Variants in CUX1 observed in about 807,000 individuals in gnomAD.
CUX1 encodes the protein cut like homeobox 1.
Under a neutral mutation model 158.8 loss-of-function variants are expected in CUX1, and 31 were observed. The observed-to-expected ratio is 0.20, with a 90% confidence interval of 0.15 to 0.26. The LOEUF is 0.26. Ranked by LOEUF, CUX1 falls within the 10% of genes least tolerant of loss-of-function variation. The pLI, the probability that CUX1 is intolerant of heterozygous loss-of-function variation, is 1.00. For missense variants in CUX1, 1,589 were observed against 2,014.6 expected, an observed-to-expected ratio of 0.79 and a Z score of 4.04; for synonymous variants, 879 against 862.1, an observed-to-expected ratio of 1.02 and a Z score of -0.34.
chr7:101,970,895 A>G (rs116259707), intron 2 of CUX1, among the ~76,000 whole-genome samples: 3,410 of 152,252 alleles, frequency 0.022, 120 homozygotes, highest in African/African-American at 0.073. Context: ...CCTGGGATCA[A>G]CTGACCTCCT....
intron 3 of CUX1, among the ~76,000 whole-genome samples, chr7:102,058,233 T>A (rs1488531111): frequency 6.6e-6 from 1 of 152,232 alleles, no homozygotes; most frequent in Admixed American, 6.5e-5. Flanking sequence ...TCAAAAAATT[T>A]ATGTGACTTG....
chr7:102,201,762 A>G lies in CUX1; in HGVS notation c.2465A>G (p.Asp822Gly). The change falls in exon 18 of 24, where the codon GAC (aspartate) becomes GGC (glycine). Residue 822 changes from aspartate to glycine, a missense_variant. Asp to Gly is a moderately conservative substitution (Grantham distance 94). This residue lies in a region of CUX1 where 337 missense variants were observed against 409.3 expected (regional missense o/e 0.82). Coordinates refer to ENST00000292535, the MANE Select transcript of CUX1 (RefSeq NM_181552.4). This position sits in a 1 kb window ranked among gnomAD's most constrained non-coding sequence, Gnocchi z 5.0. The stretch of plus-strand genomic sequence containing the variant: ...GTGGGCCGCAGCGGTGCCTGGAAGG[A>G]CCACTGGTGGAGCGCGGTGCAGCCG... ...NEVGRSGAWK[D>G]HWWSAVQPER... 6.2e-7 allele frequency: 1 copy of G among 1,612,808 alleles called. No individual in the cohort carries two copies. Among genetic ancestry groups the G allele is most frequent in the Non-Finnish European group, 8.5e-7 (1 of 1,179,930 alleles).
At chr7:101,947,919 A>G (rs1199074361) in intron 2 of CUX1, among the ~76,000 whole-genome samples, 1 of 152,164 alleles carries the variant, frequency 6.6e-6, no homozygotes, top group East Asian at 1.9e-4. Flanking sequence ...TTTCCTGAGG[A>G]CTATTGCTTA....
intron 1 of CUX1, among the ~76,000 whole-genome samples, chr7:101,902,777 A>G (rs1160308104): frequency 6.6e-6 from 1 of 152,178 alleles, no homozygotes; most frequent in Non-Finnish European, 1.5e-5. Flanking sequence ...CAACTGCCCA[A>G]ATCAACCTTC....
At chr7:102,216,593 CACT>C (rs1554524689) in intron 20 of CUX1, among the ~76,000 whole-genome samples, 4 of 55,828 alleles carry the variant, frequency 7.2e-5, no homozygotes, top group Middle Eastern at 6.6e-3. Flanking sequence ...CCCACACACA[CACT>C]CCCACACACA....
chr7:102,239,025 T>C (rs1420769506), intron 22 of CUX1, among the ~76,000 whole-genome samples: 1 of 152,206 alleles, frequency 6.6e-6, no homozygotes, highest in Non-Finnish European at 1.5e-5. Context: ...TAGCTGGGAT[T>C]ACAGGTGCGT....
intron 2 of CUX1, among the ~76,000 whole-genome samples, chr7:102,019,569 C>A (rs968971505): frequency 5.3e-5 from 8 of 152,128 alleles, no homozygotes. Flanking sequence ...ATCAGGAACT[C>A]AGGGGTCCCC....
At position 102,275,327 on chromosome 7, in the gene CUX1, C is replaced by A. The variant is rs782713359; in HGVS notation, c.1531C>A (p.Arg511Ser). 14 of 1,612,636 alleles carry A rather than the reference C, an allele frequency of 8.7e-6. No individual in the cohort carries two copies. The South Asian group carries it at 1.1e-4, about 13-fold the overall frequency. ...TTCCATCATCTCCAGCCAGAGGGAG[C>A]GCTTCCGTGCCCGGAACCAGGAGCT... The change falls in exon 17 of 23, where the codon CGC becomes AGC. Residue 511 changes from arginine to serine, a missense_variant. By Grantham distance (110) the Arg-to-Ser change is moderately radical (BLOSUM62 -1). Transcript: ENST00000292538.
chr7:102,265,230 C>T (rs1790716133), intron 14 of CUX1, among the ~76,000 whole-genome samples: 1 of 151,972 alleles, frequency 6.6e-6, no homozygotes, highest in African/African-American at 2.4e-5. Flanking sequence ...GTAGCGGGCG[C>T]CTGTAATCCC....
At chr7:102,019,869 T>C (rs1021985877) in intron 2 of CUX1, among the ~76,000 whole-genome samples, 7 of 152,244 alleles carry the variant, frequency 4.6e-5, no homozygotes, top group African/African-American at 1.7e-4. Flanking sequence ...CTCACAAAGA[T>C]GTGCATTTTA....
At chr7:102,011,358 G>A (rs564442478) in intron 2 of CUX1, among the ~76,000 whole-genome samples, 4 of 151,896 alleles carry the variant, frequency 2.6e-5, no homozygotes, top group Admixed American at 1.3e-4. Flanking sequence ...CCCCTTCCCC[G>A]AGACCACCAA....
intron 3 of CUX1, among the ~76,000 whole-genome samples, chr7:102,064,389 G>A (rs1461310362): frequency 6.6e-5 from 10 of 152,164 alleles, no homozygotes; most frequent in African/African-American, 9.7e-5. Flanking sequence ...TCAAGCTAAC[G>A]TGCAGGCAGG....
intron 20 of CUX1, among the ~76,000 whole-genome samples, chr7:102,207,031 T>C (rs868980802): frequency 1.8e-4 from 27 of 152,348 alleles, no homozygotes; most frequent in Middle Eastern, 3.4e-3. Context: ...TACTTTGTAT[T>C]GTAACGGATC....
intron 2 of CUX1, among the ~76,000 whole-genome samples, chr7:102,008,358 C>T (rs570241846): frequency 8.2e-4 from 124 of 151,976 alleles, no homozygotes; most frequent in African/African-American, 2.8e-3. Context: ...TAGAAAGCCC[C>T]CCCACCTCTA....
chr7:102,020,756 T>A (rs925888895), intron 2 of CUX1, among the ~76,000 whole-genome samples: 10 of 151,858 alleles, frequency 6.6e-5, no homozygotes, highest in Non-Finnish European at 1.3e-4. Context: ...GGCGGGCGCC[T>A]GTAATCCCAG....
chr7:102,197,433 T>A, intron 15 of CUX1, 128 bp downstream of exon 15: 1 of 1,178,982 alleles, frequency 8.5e-7, no homozygotes, highest in Non-Finnish European at 1.2e-6. Context: ...TAAAGTTCTC[T>A]TTGCTTCTGC....
At chr7:102,168,830 C>T (rs1791347311) in intron 9 of CUX1, among the ~76,000 whole-genome samples, 1 of 151,806 alleles carries the variant, frequency 6.6e-6, no homozygotes, top group South Asian at 2.1e-4. Context: ...TTGTTAGCCA[C>T]ACGCTGCCAT....
At position 102,266,161 on chromosome 7, in the gene CUX1, G is replaced by A. The variant is rs575669427; in HGVS notation, c.1256-7205G>A. Reference sequence around the variant, plus strand: ...GGAGGTTGCAGTGAGTTGAGATCATGCCACTGCACTCTAGCCTGGGTGACA... The same window carrying A: ...GGAGGTTGCAGTGAGTTGAGATCATACCACTGCACTCTAGCCTGGGTGACA... On this transcript the variant is annotated intron_variant, in intron 14 of 22. Transcript: ENST00000292538. 4.1e-5 allele frequency among the ~76,000 whole-genome samples: 6 copies of A among 146,980 alleles called. No individual in the cohort carries two copies. The East Asian group carries it at 1.2e-3, about 30-fold the overall frequency.
chr7:101,968,301 G>A (rs1487681961), intron 2 of CUX1, among the ~76,000 whole-genome samples: 1 of 152,176 alleles, frequency 6.6e-6, no homozygotes, highest in Non-Finnish European at 1.5e-5. Flanking sequence ...TGAAATACAA[G>A]AGTCAAGAGG....
Sources: allele counts gnomAD v4.1 joint callset (sites outside exome capture counted in the v4.1 genomes callset), GRCh38; gene constraint gnomAD v4.1.1; regional missense constraint gnomAD v4.1.1; non-coding constraint Gnocchi (gnomAD v3.1); transcripts MANE v1.5; gene names NCBI Gene and HGNC (gene_info 2026-07-23, HGNC 2026-07-21).